Variants in GCSAML observed in about 807,000 individuals in gnomAD.
GCSAML encodes germinal center-associated signaling and motility-like protein.
In GCSAML, 9 loss-of-function variants were observed where a neutral mutation model predicts 13.0. That is an observed-to-expected ratio of 0.69 (90% CI 0.42 to 1.21). The LOEUF (loss-of-function observed/expected upper bound fraction) is 1.21, where lower values mean the gene tolerates loss of function less well. Among genes scored for constraint, GCSAML ranks in the 50% most tolerant of loss-of-function variants. The pLI, the probability that GCSAML is intolerant of heterozygous loss-of-function variation, is 0.00. For synonymous variants in GCSAML, 37 were observed against 52.9 expected, an observed-to-expected ratio of 0.70 and a Z score of 1.31; for missense variants, 143 against 153.4, an observed-to-expected ratio of 0.93 and a Z score of 0.36.
intron 1 of GCSAML, among the ~76,000 whole-genome samples, chr1:247,517,151 CT>C (rs74585966): frequency 0.16 from 24,797 of 152,214 alleles, 2,684 homozygotes; most frequent in East Asian, 0.46. Flanking sequence ...ATCAAAGCTG[CT>C]TTTGGTCTTT....
chr1:247,553,024 G>A (rs1667831228), intron 1 of GCSAML, among the ~76,000 whole-genome samples: 1 of 152,170 alleles, frequency 6.6e-6, no homozygotes, highest in Non-Finnish European at 1.5e-5. Context: ...AAAGTGCTGG[G>A]ATTACAGGCG....
At chr1:247,570,531 T>G (rs1374611116) in intron 4 of GCSAML, among the ~76,000 whole-genome samples, 1 of 152,222 alleles carries the variant, frequency 6.6e-6, no homozygotes. Context: ...GTGAGTTTCT[T>G]AATCCTGAGT....
chr1:247,511,832 G>A (rs150240476), intron 1 of GCSAML, among the ~76,000 whole-genome samples: 392 of 152,202 alleles, frequency 2.6e-3, no homozygotes, highest in African/African-American at 9.1e-3. Context: ...TTGAATATTG[G>A]CCCCCACTCT....
At chr1:247,531,838 G>A (rs1666977692) in intron 2 of GCSAML, 4 of 1,614,034 alleles carry the variant, frequency 2.5e-6, no homozygotes, top group Non-Finnish European at 3.4e-6. Context: ...CTTCAACACG[G>A]CCCGGGCAAT....
chr1:247,550,453 C>T (rs567765221), intron 1 of GCSAML, among the ~76,000 whole-genome samples: 11 of 151,988 alleles, frequency 7.2e-5, no homozygotes, highest in Non-Finnish European at 1.6e-4. Flanking sequence ...CTGGCTAACA[C>T]GGTGAAACTC....
chr1:247,549,609 C>G (rs1307812379), intron 1 of GCSAML, among the ~76,000 whole-genome samples: 1 of 152,090 alleles, frequency 6.6e-6, no homozygotes, highest in East Asian at 1.9e-4. Flanking sequence ...TCTGGCAACC[C>G]TACACAATTG....
At chr1:247,507,256 T>A (rs1572269605) in intron 1 of GCSAML, 1 of 152,170 alleles carries the variant, frequency 6.6e-6, no homozygotes, top group African/African-American at 2.4e-5. Flanking sequence ...TATTCAGCTG[T>A]GTTAGAAGTG....
chr1:247,556,488 GTTTT>G, intron 2 of GCSAML, 22 bp downstream of exon 2: 2 of 1,566,576 alleles, frequency 1.3e-6, no homozygotes, highest in Non-Finnish European at 1.7e-6. Context: ...GCATCTCAGA[GTTTT>G]TTTGTTTTGT....
At chr1:247,509,075 T>C (rs1239132273) in intron 1 of GCSAML, among the ~76,000 whole-genome samples, 2 of 152,152 alleles carry the variant, frequency 1.3e-5, no homozygotes, top group African/African-American at 4.8e-5. Flanking sequence ...TAGCATTGAA[T>C]TCTTTTATAA....
intron 1 of GCSAML, among the ~76,000 whole-genome samples, chr1:247,518,828 G>A (rs1487296688): frequency 6.6e-6 from 1 of 152,126 alleles, no homozygotes; most frequent in Non-Finnish European, 1.5e-5. Flanking sequence ...ATCGCTACCA[G>A]AAATGTAAAA....
At chr1:247,539,299 G>A (rs1278615362) in intron 2 of GCSAML, among the ~76,000 whole-genome samples, 1 of 152,102 alleles carries the variant, frequency 6.6e-6, no homozygotes, top group Non-Finnish European at 1.5e-5. Context: ...TTCACAAAAT[G>A]GTGTCATTAA....
At position 247,563,044 on chromosome 1, in the gene GCSAML, C is replaced by T. The variant is rs370298624; in HGVS notation, c.90-546C>T. 1.8e-3 allele frequency among the ~76,000 whole-genome samples: 264 copies of T among 145,354 alleles called. 1 individual carries two copies. In the Middle Eastern group the frequency reaches 0.026, roughly 14 times the overall value. ...TTTTGTATTTTAGTAGAGACGGGGTCTCACCGTGTTGGCCAGGAAGGTCTC... is the reference window on the plus strand; with the variant it reads ...TTTTGTATTTTAGTAGAGACGGGGTTTCACCGTGTTGGCCAGGAAGGTCTC... On this transcript the variant is annotated intron_variant, in intron 2 of 4. Coordinates refer to ENST00000366488, the MANE Select transcript of GCSAML (RefSeq NM_145278.5).
chr1:247,511,235 GC>G (rs1666025599), intron 1 of GCSAML, among the ~76,000 whole-genome samples: 1 of 152,126 alleles, frequency 6.6e-6, no homozygotes, highest in African/African-American at 2.4e-5. Context: ...AGGATACTTA[GC>G]TCTCCTTGTT....
intron 1 of GCSAML, among the ~76,000 whole-genome samples, chr1:247,507,469 G>A (rs1387547751): frequency 6.6e-6 from 1 of 152,116 alleles, no homozygotes; most frequent in Non-Finnish European, 1.5e-5. Flanking sequence ...AATTATACTT[G>A]ACATTTCATT....
At chr1:247,519,934 A>G (rs560709298) in intron 1 of GCSAML, among the ~76,000 whole-genome samples, 8 of 152,354 alleles carry the variant, frequency 5.3e-5, no homozygotes, top group Non-Finnish European at 8.8e-5. Flanking sequence ...TGATGATGAT[A>G]TGTTGACAGT....
chr1:247,547,059 T>C (rs1206725429), upstream of GCSAML, among the ~76,000 whole-genome samples: 1 of 151,688 alleles, frequency 6.6e-6, no homozygotes, highest in Non-Finnish European at 1.5e-5. Context: ...GCCCTGATCA[T>C]GCCATTGTAC....
chr1:247,517,927 C>G (rs1223933852), intron 1 of GCSAML, among the ~76,000 whole-genome samples: 1 of 152,206 alleles, frequency 6.6e-6, no homozygotes, highest in Non-Finnish European at 1.5e-5. Flanking sequence ...GAGGCCAAAG[C>G]TGGAGACGGT....
rs1668847282 is a variant in GCSAML, at chr1:247,576,671, T to C, written c.*2289T>C. The C allele has an allele frequency of 6.6e-6, 1 of 152,224 alleles. No homozygotes were observed. Among genetic ancestry groups the C allele is most frequent in the South Asian group, 2.1e-4 (1 of 4,834 alleles). 9.4% of individuals were successfully genotyped at this position (152,224 alleles called of 1,614,324 possible). A position where few individuals can be genotyped will look rare whatever the true frequency, so the allele number is the denominator to read the frequency against. On this transcript the variant is annotated 3_prime_UTR_variant, in exon 5 of 5. Transcript: ENST00000366488. ...GGTGGACTCCAGATAACTCATTTGC[T>C]GTATACACATTTTGCCTCTCTATTC...
chr1:247,559,486 G>C (rs1381996657), intron 2 of GCSAML, among the ~76,000 whole-genome samples: 1 of 151,682 alleles, frequency 6.6e-6, no homozygotes, highest in Admixed American at 6.6e-5. Flanking sequence ...TTCATCTTCC[G>C]CAGTGTGAGA....
Sources: allele counts gnomAD v4.1 joint callset (sites outside exome capture counted in the v4.1 genomes callset), GRCh38; gene constraint gnomAD v4.1.1; transcripts MANE v1.5; gene names NCBI Gene and HGNC (gene_info 2026-07-23, HGNC 2026-07-21).